CLCN3: variants seen among roughly 807,000 people sequenced by gnomAD.
The protein encoded by CLCN3 is H(+)/Cl(-) exchange transporter 3.
A neutral mutation model predicts 83.4 loss-of-function variants in CLCN3; 16 were observed. That is an observed-to-expected ratio of 0.19 (90% CI 0.13 to 0.29). The LOEUF is 0.29. CLCN3 is among the 10% of genes least tolerant of loss of function. The pLI, the probability that CLCN3 is intolerant of heterozygous loss-of-function variation, is 1.00. For missense variants in CLCN3, 544 were observed against 1,006.0 expected, an observed-to-expected ratio of 0.54 and a Z score of 6.21; for synonymous variants, 322 against 346.2, an observed-to-expected ratio of 0.93 and a Z score of 0.78.
At chr4:169,682,529 T>C (rs1731984832) in intron 3 of CLCN3, among the ~76,000 whole-genome samples, 1 of 152,226 alleles carries the variant, frequency 6.6e-6, no homozygotes, top group Non-Finnish European at 1.5e-5. Context: ...GTCTAGTTTA[T>C]TATGCAACTC....
At position 169,707,153 on chromosome 4, in the gene CLCN3, A is replaced by G; in HGVS notation, c.2036A>G (p.Asp679Gly). 6.2e-7 allele frequency: 1 copy of G among 1,614,062 alleles called. No homozygotes were observed. Among genetic ancestry groups the G allele is most frequent in the Non-Finnish European group, 8.5e-7 (1 of 1,179,916 alleles). The change falls in exon 11 of 13, where the codon GAT (aspartate) becomes GGT (glycine). Residue 679 changes from aspartate (D) to glycine (G), a missense_variant. Physicochemically the swap from Asp to Gly is moderately conservative, Grantham distance 94. Around this residue, in one of 6 missense-constraint regions of CLCN3, gnomAD observed 142 missense variants for 225.0 expected, o/e 0.63. Transcript: ENST00000513761. Reference protein sequence around the residue: ...VLTQDNMTVDDIENMINETSY... With the variant: ...VLTQDNMTVDGIENMINETSY... The stretch of plus-strand genomic sequence containing the variant: ...ACACAGGACAATATGACAGTGGATG[A>G]TATAGAAAACATGATTAATGAAACC...
intron 4 of CLCN3, among the ~76,000 whole-genome samples, chr4:169,688,451 G>T (rs990044383): frequency 7.2e-5 from 11 of 152,280 alleles, no homozygotes; most frequent in African/African-American, 2.4e-4. Context: ...TAAAATTTTT[G>T]TGGAGAATAA....
intron 2 of CLCN3, among the ~76,000 whole-genome samples, chr4:169,670,161 C>T (rs532790841): frequency 6.6e-6 from 1 of 152,194 alleles, no homozygotes; most frequent in Admixed American, 6.5e-5. Context: ...CTTTTGTCGC[C>T]ATTGCTTTTG....
intron 9 of CLCN3, among the ~76,000 whole-genome samples, chr4:169,701,843 C>A (rs537195565): frequency 6.6e-6 from 1 of 152,322 alleles, no homozygotes; most frequent in Admixed American, 6.5e-5. Context: ...TGGCATCTTG[C>A]ATCCCTATTC....
At chr4:169,716,821 G>T (rs965121742) in intron 12 of CLCN3, among the ~76,000 whole-genome samples, 1 of 152,076 alleles carries the variant, frequency 6.6e-6, no homozygotes, top group African/African-American at 2.4e-5. Flanking sequence ...GTCTCCTAGT[G>T]ACATCCTTCA....
chr4:169,656,484 A>T (rs1276588777), intron 2 of CLCN3, among the ~76,000 whole-genome samples: 1 of 152,116 alleles, frequency 6.6e-6, no homozygotes, highest in Admixed American at 6.5e-5. Flanking sequence ...CCACACCATG[A>T]TCCAGTTACC....
At chr4:169,702,427 T>A (rs1010917360) in intron 9 of CLCN3, among the ~76,000 whole-genome samples, 4 of 152,182 alleles carry the variant, frequency 2.6e-5, no homozygotes, top group African/African-American at 7.2e-5. Context: ...TTATTAGTGA[T>A]GAGTAATGTT....
intron 9 of CLCN3, among the ~76,000 whole-genome samples, chr4:169,700,161 CCTTT>C (rs777440847): frequency 2.0e-5 from 3 of 152,158 alleles, no homozygotes; most frequent in Admixed American, 6.5e-5. Flanking sequence ...TATTGTTTAT[CCTTT>C]TAATGATCCT....
At chr4:169,713,010 T>C in intron 11 of CLCN3, 69 bp from the exon 12 acceptor site, 1 of 1,135,642 alleles carries the variant, frequency 8.8e-7, no homozygotes, top group East Asian at 2.5e-5. Context: ...TTTTTATCTC[T>C]GAATAAACAG....
At chr4:169,713,349 T>G in intron 12 of CLCN3, 54 bp downstream of exon 12, 2 of 1,352,580 alleles carry the variant, frequency 1.5e-6, no homozygotes, top group African/African-American at 1.4e-5. Context: ...GGATCCTTTT[T>G]AGTGGAATCT....
At chr4:169,662,039 C>A (rs1731075866) in intron 2 of CLCN3, among the ~76,000 whole-genome samples, 1 of 152,206 alleles carries the variant, frequency 6.6e-6, no homozygotes, top group East Asian at 1.9e-4. Context: ...AATTTAAATT[C>A]CTTTTGTGAA....
rs760881237 is a variant in CLCN3, at chr4:169,720,108, A to G, written c.*111A>G. Reference sequence around the variant, plus strand: ...CTTTTTTTTCCTCCTTTACAAAAAAAGAAAGGAAATATAAAAGCCGGGTTT... The same window carrying G: ...CTTTTTTTTCCTCCTTTACAAAAAAGGAAAGGAAATATAAAAGCCGGGTTT... On this transcript the variant is annotated 3_prime_UTR_variant, in exon 13 of 13. Transcript: ENST00000513761. 7.9e-6 allele frequency: 12 copies of G among 1,516,642 alleles called. No individual in the cohort carries two copies. The highest frequency in any genetic ancestry group is 1.1e-5 in the Non-Finnish European group (12 of 1,126,372). 93.9% of individuals were successfully genotyped at this position (1,516,642 alleles called of 1,614,324 possible).
At chr4:169,708,485 C>T (rs1733076225) in intron 11 of CLCN3, among the ~76,000 whole-genome samples, 1 of 152,108 alleles carries the variant, frequency 6.6e-6, no homozygotes, top group African/African-American at 2.4e-5. Flanking sequence ...ATGCTTGGCT[C>T]CGTTCAAGCA....
At chr4:169,648,563 A>G (rs1227371699) in intron 2 of CLCN3, among the ~76,000 whole-genome samples, 1 of 152,188 alleles carries the variant, frequency 6.6e-6, no homozygotes, top group Non-Finnish European at 1.5e-5. Context: ...CTCAGCAAAT[A>G]ATTATTAGAC....
At chr4:169,635,631 C>G (rs1283567672) in intron 1 of CLCN3, among the ~76,000 whole-genome samples, 1 of 152,074 alleles carries the variant, frequency 6.6e-6, no homozygotes, top group Non-Finnish European at 1.5e-5. Context: ...TCTCCTGAGA[C>G]AAATCTATAC....
At chr4:169,688,201 A>G (rs1732234235) in intron 4 of CLCN3, among the ~76,000 whole-genome samples, 1 of 152,210 alleles carries the variant, frequency 6.6e-6, no homozygotes, top group Non-Finnish European at 1.5e-5. Context: ...AGCAGAAGAA[A>G]AGTAACTTAG....
At chr4:169,705,670 G>C (rs1732960062) in intron 10 of CLCN3, among the ~76,000 whole-genome samples, 1 of 152,126 alleles carries the variant, frequency 6.6e-6, no homozygotes, top group Non-Finnish European at 1.5e-5. Context: ...TAGTAGGTAG[G>C]ATCTGTCTCC....
intron 2 of CLCN3, among the ~76,000 whole-genome samples, chr4:169,672,295 A>C (rs1731498131): frequency 1.3e-5 from 2 of 151,102 alleles, no homozygotes; most frequent in African/African-American, 4.9e-5. Context: ...GTGCACCACC[A>C]CACCCAGATA....
intron 1 of CLCN3, among the ~76,000 whole-genome samples, chr4:169,634,114 G>A (rs1227056904): frequency 2.0e-5 from 3 of 152,018 alleles, no homozygotes; most frequent in East Asian, 1.9e-4. Context: ...TTTTTTTAAC[G>A]GAAATAGTTA....
Sources: gnomAD v4.1 joint callset for allele counts (sites outside exome capture counted in the v4.1 genomes callset) on GRCh38, gnomAD v4.1.1 for gene constraint, gnomAD v4.1.1 regional missense constraint, MANE v1.5 for transcripts, NCBI Gene and HGNC (gene_info 2026-07-23, HGNC 2026-07-21) for gene names.